Variants in WDR72 observed in about 807,000 individuals in gnomAD.
WDR72 encodes the protein WD repeat-containing protein 72.
WDR72 carries 120 observed loss-of-function variants against 124.2 expected under a neutral mutation model. The ratio of observed to expected loss-of-function variants is 0.97; its 90% confidence interval spans 0.83 to 1.12. WDR72 has a LOEUF of 1.12. Ranked by LOEUF, WDR72 falls within the 50% of genes most tolerant of loss-of-function variation. WDR72 has a pLI of 0.00. For synonymous variants in WDR72, 452 were observed against 441.7 expected (o/e 1.02, Z -0.29); for missense variants, 1,387 against 1,278.8 (o/e 1.08, Z -1.29).
At chr15:53,584,818 A>G (rs1595775492) in intron 18 of WDR72, among the ~76,000 whole-genome samples, 2 of 152,098 alleles carry the variant, frequency 1.3e-5, no homozygotes, top group South Asian at 4.1e-4. Context: ...CTGCCTTGGT[A>G]TCTGTCCCCA....
intron 5 of WDR72, 32 bp downstream of exon 5, chr15:53,715,161 C>G: frequency 6.2e-7 from 1 of 1,605,906 alleles, no homozygotes; most frequent in Non-Finnish European, 8.5e-7. Flanking sequence ...TATATGCAAT[C>G]TCTCTACTGT....
chr15:53,754,916 A>T (rs1034077813), intron 1 of WDR72, among the ~76,000 whole-genome samples: 3 of 152,226 alleles, frequency 2.0e-5, no homozygotes, highest in Non-Finnish European at 4.4e-5. Context: ...CTTCATCCAC[A>T]ATCAATAAAG....
intron 14 of WDR72, among the ~76,000 whole-genome samples, chr15:53,652,516 C>A (rs79427570): frequency 6.6e-6 from 1 of 152,052 alleles, no homozygotes; most frequent in East Asian, 1.9e-4. Context: ...CATAAATCAG[C>A]CCTCTTCATA....
At chr15:53,683,456 A>G (rs2140484594) in intron 13 of WDR72, among the ~76,000 whole-genome samples, 1 of 152,280 alleles carries the variant, frequency 6.6e-6, no homozygotes, top group African/African-American at 2.4e-5. Flanking sequence ...TACCCCAGGA[A>G]TATGTAAAAT....
chr15:53,682,983 G>A (rs1567024334), intron 13 of WDR72, among the ~76,000 whole-genome samples: 1 of 152,220 alleles, frequency 6.6e-6, no homozygotes, highest in East Asian at 1.9e-4. Context: ...TACAGTTATG[G>A]CAAAAGGTGA....
chr15:53,697,363 T>C (rs2017033851), intron 13 of WDR72, among the ~76,000 whole-genome samples: 1 of 152,182 alleles, frequency 6.6e-6, no homozygotes, highest in Admixed American at 6.5e-5. Flanking sequence ...ATTAAATTAA[T>C]GGAGGTGACT....
At chr15:53,620,436 C>G (rs2013944925) in intron 14 of WDR72, among the ~76,000 whole-genome samples, 2 of 151,216 alleles carry the variant, frequency 1.3e-5, no homozygotes, top group South Asian at 4.2e-4. Flanking sequence ...TTTACCATAC[C>G]AAACAAAAAG....
chr15:53,632,937 G>A (rs993225041), intron 14 of WDR72, among the ~76,000 whole-genome samples: 1 of 152,190 alleles, frequency 6.6e-6, no homozygotes, highest in Non-Finnish European at 1.5e-5. Context: ...ATAGGTGAAA[G>A]GGAAGAGCCT....
At chr15:53,607,486 C>T (rs1334799711) in intron 17 of WDR72, among the ~76,000 whole-genome samples, 1 of 152,008 alleles carries the variant, frequency 6.6e-6, no homozygotes, top group East Asian at 1.9e-4. Context: ...GAAACTAGAC[C>T]CCTATCTCTT....
At chr15:53,697,951 G>A (rs1203782983) in intron 13 of WDR72, among the ~76,000 whole-genome samples, 1 of 152,154 alleles carries the variant, frequency 6.6e-6, no homozygotes, top group Non-Finnish European at 1.5e-5. Flanking sequence ...TGGGACTACA[G>A]GTGCCCGCCA....
intron 14 of WDR72, among the ~76,000 whole-genome samples, chr15:53,628,438 A>G (rs1036092651): frequency 1.3e-5 from 2 of 152,148 alleles, no homozygotes; most frequent in Non-Finnish European, 2.9e-5. Context: ...ATTGAATACT[A>G]TATTACTGAG....
At chr15:53,707,782 T>A (rs2017424400) in intron 9 of WDR72, among the ~76,000 whole-genome samples, 1 of 152,172 alleles carries the variant, frequency 6.6e-6, no homozygotes, top group East Asian at 1.9e-4. Flanking sequence ...CACTTTGGTG[T>A]CTTACAGCCA....
At chr15:53,715,889 GAAAT>G (rs1291892687) in intron 4 of WDR72, among the ~76,000 whole-genome samples, 3 of 152,126 alleles carry the variant, frequency 2.0e-5, no homozygotes. Flanking sequence ...ATGTTAAAAA[GAAAT>G]AAAGTATTTG....
At chr15:53,645,447 G>A (rs986169710) in intron 14 of WDR72, among the ~76,000 whole-genome samples, 1 of 152,118 alleles carries the variant, frequency 6.6e-6, no homozygotes, top group Non-Finnish European at 1.5e-5. Flanking sequence ...TGTGTTTTAA[G>A]TGTGAAGAAT....
intron 18 of WDR72, among the ~76,000 whole-genome samples, chr15:53,582,798 C>T (rs1414924788): frequency 6.6e-6 from 1 of 151,862 alleles, no homozygotes; most frequent in Non-Finnish European, 1.5e-5. Context: ...TTATAAACAT[C>T]GTACATTCAT....
At chr15:53,597,638 G>C (rs2012841478) in intron 17 of WDR72, among the ~76,000 whole-genome samples, 1 of 152,056 alleles carries the variant, frequency 6.6e-6, no homozygotes, top group African/African-American at 2.4e-5. Context: ...GGCTCTTAAA[G>C]ACAAGGTTAG....
intron 18 of WDR72, among the ~76,000 whole-genome samples, chr15:53,527,054 G>C (rs1356480988): frequency 6.6e-6 from 1 of 152,054 alleles, no homozygotes; most frequent in African/African-American, 2.4e-5. Flanking sequence ...TCACTATGGT[G>C]CATTTAACTA....
chr15:53,597,347 A>G, intron 17 of WDR72, 73 bp from the exon 18 acceptor site: 1 of 1,480,890 alleles, frequency 6.8e-7, no homozygotes, highest in Middle Eastern at 1.9e-4. Context: ...AAAAAATCCA[A>G]AGCCCGGAAT....
At chr15:53,561,402 A>T (rs916524530) in intron 18 of WDR72, among the ~76,000 whole-genome samples, 3 of 151,842 alleles carry the variant, frequency 2.0e-5, no homozygotes, top group Admixed American at 6.6e-5. Context: ...AAAAAAATCA[A>T]AATTTAACAT....
Sources: allele counts gnomAD v4.1 joint callset (sites outside exome capture counted in the v4.1 genomes callset), GRCh38; gene constraint gnomAD v4.1.1; transcripts MANE v1.5; gene names NCBI Gene and HGNC (gene_info 2026-07-23, HGNC 2026-07-21).